The following UNC45A variants were observed in gnomAD, a reference collection of about 807,000 sequenced individuals.
The protein encoded by UNC45A is unc-45 myosin chaperone A, also known as protein unc-45 homolog A.
Under a neutral mutation model 103.2 loss-of-function variants are expected in UNC45A, and 78 were observed. The observed-to-expected ratio is 0.76, with a 90% CI of 0.63 to 0.91. The LOEUF is 0.91. Among genes scored for constraint, UNC45A ranks in the 40% least tolerant of loss-of-function variants. The probability of loss-of-function intolerance (pLI) is 0.00; values close to 1 mark genes in which losing one functional copy is unlikely to be tolerated. For missense variants in UNC45A, 1,193 were observed against 1,224.8 expected (o/e 0.97, Z 0.39); for synonymous variants, 495 against 504.6 (o/e 0.98, Z 0.25).
At chr15:90,937,768 G>T (rs751524381) in intron 4 of UNC45A, among the ~76,000 whole-genome samples, 2 of 151,888 alleles carry the variant, frequency 1.3e-5, no homozygotes, top group Non-Finnish European at 2.9e-5. Context: ...TTACATGTGT[G>T]AGCCACTGCA....
chr15:90,938,095 C>A (rs2036111512), intron 4 of UNC45A, among the ~76,000 whole-genome samples: 1 of 152,100 alleles, frequency 6.6e-6, no homozygotes, highest in Non-Finnish European at 1.5e-5. Flanking sequence ...TGGCACTGGG[C>A]CAAATATGCA....
intron 13 of UNC45A, 24 bp downstream of exon 13, chr15:90,948,818 G>A: frequency 6.4e-7 from 1 of 1,573,864 alleles, no homozygotes; most frequent in Non-Finnish European, 8.6e-7. Context: ...AGAGGGGCTA[G>A]AGGGTTCCCC....
chr15:90,950,306 T>A, intron 16 of UNC45A, 39 bp downstream of exon 16: 1 of 1,545,278 alleles, frequency 6.5e-7, no homozygotes, highest in South Asian at 1.2e-5. Context: ...ACTCCCTCTG[T>A]CCCTGATGGC....
upstream of UNC45A, chr15:90,932,475 C>G (rs1470658011): frequency 7.6e-7 from 1 of 1,321,368 alleles, no homozygotes; most frequent in Non-Finnish European, 9.6e-7. Context: ...CCTTCCGCCG[C>G]TGCTGCCGGT....
intron 5 of UNC45A, among the ~76,000 whole-genome samples, 180 bp downstream of exon 5, chr15:90,940,003 G>A (rs1037016523): frequency 2.0e-5 from 3 of 152,214 alleles, no homozygotes; most frequent in African/African-American, 7.2e-5. Context: ...GAGAACCAGT[G>A]TTCACAGAGT....
intron 12 of UNC45A, 117 bp from the exon 13 acceptor site, chr15:90,948,537 A>C (rs1270170791): frequency 6.7e-7 from 1 of 1,491,648 alleles, no homozygotes; most frequent in Non-Finnish European, 9.0e-7. Flanking sequence ...TCCCGAATTC[A>C]TCCTGTACCC....
rs1037326220 is a variant in UNC45A at position 90,945,103 on chromosome 15, A to G, written c.1199+40A>G. On this transcript the variant is annotated intron_variant, in intron 9 of 19. Transcript: ENST00000418476. ...TTCACCTCCCGTTGCCAGGGATTCTAGCGAAAAAGTTCTGACTCCTTGAGG... is the reference window on the plus strand; with the variant it reads ...TTCACCTCCCGTTGCCAGGGATTCTGGCGAAAAAGTTCTGACTCCTTGAGG... 1.9e-6 allele frequency: 3 copies of G among 1,604,824 alleles called. No homozygotes were observed. The South Asian group carries it at 3.3e-5, about 18-fold the overall frequency.
In UNC45A at chr15:90,949,689, G is replaced by A. The variant is rs147920710; in HGVS notation, c.2042G>A (p.Arg681Gln). The A allele has an allele frequency of 1.5e-5, 25 of 1,614,058 alleles. No homozygotes were observed. The highest frequency in any genetic ancestry group is 1.6e-4 in the Middle Eastern group (1 of 6,084). The part of the protein sequence containing the change: ...FLALVEEVED[R>Q]GTVVAQGGGR... ...GCTTTAGTGGAAGAGGTAGAGGACC[G>A]AGGCACTGTGGTTGCCCAGGGAGGC... Residue 681 changes from arginine to glutamine, a missense_variant, in exon 15 of 20, where the codon CGA becomes CAA. Coordinates refer to ENST00000418476, the MANE Select transcript of UNC45A (RefSeq NM_018671.5).
upstream of UNC45A, chr15:90,932,886 G>A (rs2035853767): frequency 4.1e-6 from 1 of 246,426 alleles, no homozygotes; most frequent in African/African-American, 2.2e-5. Flanking sequence ...AAGGCTCAGG[G>A]GACTATGGGA....
chr15:90,940,243 C>T (rs1420380643), intron 5 of UNC45A, 63 bp from the exon 6 acceptor site: 3 of 1,538,132 alleles, frequency 2.0e-6, no homozygotes, highest in Non-Finnish European at 2.6e-6. Flanking sequence ...GGCCCCTGCT[C>T]ACCAGTGCTG....
chr15:90,953,722 T>C lies in UNC45A; in HGVS notation c.*6T>C. ...CCAACCAAGATGGAGAGTGAGGGGG[T>C]TGTCCCTGGGCCCAAGGCTCATGCA... is the stretch of plus-strand genomic sequence containing the variant. On this transcript the variant is annotated 3_prime_UTR_variant, in exon 20 of 20. Transcript: ENST00000418476. 1 of 1,612,544 alleles carries C rather than the reference T, an allele frequency of 6.2e-7. No individual in the cohort carries two copies.
At chr15:90,941,680 C>G (rs1242646271) in intron 6 of UNC45A, among the ~76,000 whole-genome samples, 1 of 152,134 alleles carries the variant, frequency 6.6e-6, no homozygotes, top group Non-Finnish European at 1.5e-5. Flanking sequence ...GTGGAGAGGG[C>G]CCGGCGCGGT....
At position 90,949,741 on chromosome 15, in the gene UNC45A, C is replaced by T. The variant is rs74723971; in HGVS notation, c.2073+21C>T. The T allele has an allele frequency of 0.011, 18,002 of 1,613,048 alleles. 1,691 individuals are homozygous for T. In the African/African-American group the frequency reaches 0.21, roughly 18 times the overall value. On this transcript the variant is annotated intron_variant, in intron 15 of 19. Coordinates refer to ENST00000418476, the MANE Select transcript of UNC45A (RefSeq NM_018671.5). ...GCAGGGTAAGCTGGTTTACACACCC[C>T]TTCCTGATGGCTGAGCCATCAGCCT...
At chr15:90,948,437 C>T in intron 12 of UNC45A, 154 bp downstream of exon 12, 1 of 1,301,792 alleles carries the variant, frequency 7.7e-7, no homozygotes, top group African/African-American at 1.5e-5. Flanking sequence ...GGCATGTTGG[C>T]CAGCACCAGT....
Position 90,947,866 on chromosome 15 carries a change from T to A in UNC45A, c.1571T>A (p.Leu524His). ...SMKQFAEGST[L>H]KLAKQCRKWL... ...AAGCAGTTTGCTGAAGGCTCCACTC[T>A]CAAACTGGCTAAGCAGTGTCGAAAG... Residue 524 changes from leucine to histidine, a missense_variant, in exon 11 of 20, where the codon CTC (leucine) becomes CAC (histidine). Leu to His is a moderately conservative substitution (Grantham distance 99, BLOSUM62 -3). Transcript: ENST00000418476. 1 of 1,613,952 alleles carries A rather than the reference T, an allele frequency of 6.2e-7. No homozygotes were observed. The highest frequency in any genetic ancestry group is 8.5e-7 in the Non-Finnish European group (1 of 1,179,966).
chr15:90,946,253 CAAAAA>C (rs60118193), intron 9 of UNC45A, among the ~76,000 whole-genome samples: 5 of 104,676 alleles, frequency 4.8e-5, no homozygotes, highest in African/African-American at 1.7e-4. Flanking sequence ...GACTCTGTCT[CAAAAA>C]AAAAAAAAAA....
At chr15:90,942,348 T>G in intron 6 of UNC45A, 89 bp from the exon 7 acceptor site, 1 of 1,467,552 alleles carries the variant, frequency 6.8e-7, no homozygotes, top group Non-Finnish European at 9.2e-7. Context: ...TCTCTCCTTC[T>G]GGCCGTATCC....
At chr15:90,934,534 C>T (rs942906805), upstream of UNC45A, 11 of 398,894 alleles carry the variant, frequency 2.8e-5, no homozygotes, top group Non-Finnish European at 4.4e-5. Flanking sequence ...GCTCTTCCGC[C>T]CCCGCCCATC....
chr15:90,935,853 G>A, intron 2 of UNC45A, 93 bp from the exon 3 acceptor site: 1 of 1,592,884 alleles, frequency 6.3e-7, no homozygotes, highest in Non-Finnish European at 8.6e-7. Context: ...TGGGGGATCG[G>A]GTGACCTTGG....
Sources: gnomAD v4.1 joint callset for allele counts (sites outside exome capture counted in the v4.1 genomes callset) on GRCh38, gnomAD v4.1.1 for gene constraint, MANE v1.5 for transcripts, NCBI Gene and HGNC (gene_info 2026-07-23, HGNC 2026-07-21) for gene names.